DNAH3: variants seen among roughly 807,000 people sequenced by gnomAD.
DNAH3 encodes the protein axonemal beta dynein heavy chain 3.
DNAH3 carries 332 observed loss-of-function variants against 432.5 expected under a neutral mutation model. The ratio of observed to expected loss-of-function variants is 0.77; its 90% CI spans 0.70 to 0.84. DNAH3 has a LOEUF of 0.84. Ranked by LOEUF, DNAH3 falls within the 40% of genes least tolerant of loss-of-function variation. The pLI is 0.00. For missense variants in DNAH3, 4,861 were observed against 5,114.0 expected, an observed-to-expected ratio of 0.95 and a Z score of 1.51; for synonymous variants, 1,956 against 1,900.2, an observed-to-expected ratio of 1.03 and a Z score of -0.76.
exon 31 of DNAH3, chr16:21,049,642 G>A: frequency 6.2e-7 from 1 of 1,614,160 alleles, no homozygotes; most frequent in Non-Finnish European, 8.5e-7. Flanking sequence ...CTTCCCCATA[G>A]CTTTGTAATC....
intron 60 of DNAH3, among the ~76,000 whole-genome samples, chr16:20,935,787 G>A (rs1045630317): frequency 2.0e-5 from 3 of 150,182 alleles, no homozygotes; most frequent in Non-Finnish European, 4.4e-5. Flanking sequence ...AGGTTGCAGT[G>A]AGCCAAGATC....
chr16:21,058,287 C>T (rs1391935102), intron 26 of DNAH3, 91 bp from the exon 27 acceptor site: 5 of 673,528 alleles, frequency 7.4e-6, no homozygotes, highest in Non-Finnish European at 1.3e-5. Context: ...CTCACCACCG[C>T]AACAAAAACA....
At chr16:21,140,848 T>C in intron 4 of DNAH3, 138 bp from the exon 6 acceptor site, 2 of 694,380 alleles carry the variant, frequency 2.9e-6, no homozygotes, top group South Asian at 4.1e-5. Flanking sequence ...ATGGCATGTG[T>C]GTATACTTCC....
chr16:20,987,234 A>G (rs1223748493), intron 47 of DNAH3, 71 bp downstream of exon 47: 1 of 1,579,616 alleles, frequency 6.3e-7, no homozygotes, highest in Non-Finnish European at 8.6e-7. Context: ...AGGGAACCTG[A>G]AATCTGAAAG....
chr16:21,115,045 T>C (rs1394374660), intron 12 of DNAH3, among the ~76,000 whole-genome samples: 1 of 152,162 alleles, frequency 6.6e-6, no homozygotes, highest in Non-Finnish European at 1.5e-5. Flanking sequence ...ATATACACCA[T>C]GGAATACTAT....
At chr16:21,012,040 C>G (rs2087628046) in intron 41 of DNAH3, among the ~76,000 whole-genome samples, 1 of 152,178 alleles carries the variant, frequency 6.6e-6, no homozygotes, top group Non-Finnish European at 1.5e-5. Flanking sequence ...GATCCGAACT[C>G]TGACAATTTC....
intron 18 of DNAH3, among the ~76,000 whole-genome samples, chr16:21,088,334 A>G (rs137859483): frequency 3.9e-5 from 6 of 152,318 alleles, no homozygotes; most frequent in African/African-American, 1.4e-4. Context: ...CTTTCCCAGT[A>G]GGATGAATAA....
At chr16:21,049,576 C>T in exon 31 of DNAH3, 1 of 1,614,032 alleles carries the variant, frequency 6.2e-7, no homozygotes, top group African/African-American at 1.3e-5. Context: ...TACCTCGATC[C>T]TGTTGAACTC....
intron 54 of DNAH3, among the ~76,000 whole-genome samples, chr16:20,958,759 T>A (rs1445551380): frequency 1.3e-5 from 2 of 152,088 alleles, no homozygotes; most frequent in Non-Finnish European, 2.9e-5. Flanking sequence ...TGCCTTCTGC[T>A]ATACTGAAGA....
At chr16:21,062,331 G>A in intron 25 of DNAH3, 151 bp downstream of exon 25, 1 of 635,638 alleles carries the variant, frequency 1.6e-6, no homozygotes. Flanking sequence ...GAAAGATTGA[G>A]TAACTTCCCC....
chr16:21,117,967 ACTT>A (rs1298660716), intron 11 of DNAH3, among the ~76,000 whole-genome samples: 1 of 151,478 alleles, frequency 6.6e-6, no homozygotes, highest in African/African-American at 2.4e-5. Context: ...TAGGTAAACT[ACTT>A]CTCTCGTGGG....
At chr16:21,079,110 A>G (rs2091083594) in intron 20 of DNAH3, among the ~76,000 whole-genome samples, 1 of 152,168 alleles carries the variant, frequency 6.6e-6, no homozygotes, top group African/African-American at 2.4e-5. Context: ...CTGTCTCTGG[A>G]GAGGGGTTTA....
intron 41 of DNAH3, among the ~76,000 whole-genome samples, chr16:21,011,807 TA>T (rs1258808221): frequency 6.6e-6 from 1 of 152,052 alleles, no homozygotes; most frequent in Non-Finnish European, 1.5e-5. Flanking sequence ...CAAGATGAGA[TA>T]AAAAGTGAGA....
At chr16:21,137,875 G>C (rs1448827708) in intron 5 of DNAH3, among the ~76,000 whole-genome samples, 1 of 152,218 alleles carries the variant, frequency 6.6e-6, no homozygotes, top group Non-Finnish European at 1.5e-5. Flanking sequence ...GAGTGGCTCT[G>C]GGAATGACTA....
At chr16:20,937,435 T>A (rs2083633810) in intron 59 of DNAH3, among the ~76,000 whole-genome samples, 1 of 152,206 alleles carries the variant, frequency 6.6e-6, no homozygotes, top group South Asian at 2.1e-4. Context: ...TCCATCTCAA[T>A]CTTTTTGCAA....
chr16:21,146,962 G>C (rs2092792435), intron 1 of DNAH3, among the ~76,000 whole-genome samples: 1 of 151,578 alleles, frequency 6.6e-6, no homozygotes, highest in African/African-American at 2.4e-5. Context: ...GTTTCATCAT[G>C]TTGGCCAGGC....
rs548530598 is a variant in DNAH3, at chr16:21,037,752, G to A, written c.4950+9C>T. 32 of 1,613,450 alleles carry A rather than the reference G, an allele frequency of 2.0e-5. No homozygotes were observed. Among genetic ancestry groups the A allele is most frequent in the Middle Eastern group, 1.7e-4 (1 of 6,060 alleles). On this transcript the variant is annotated intron_variant, in intron 34 of 61. Transcript: ENST00000261383. ...TGGTCCTCGGCCAAGGTCCTGAACC[G>A]CTACATACCTGAAACAGAGGGACAT...
At chr16:21,122,348 A>G (rs2092361289) in intron 9 of DNAH3, among the ~76,000 whole-genome samples, 1 of 152,114 alleles carries the variant, frequency 6.6e-6, no homozygotes, top group African/African-American at 2.4e-5. Flanking sequence ...TGAGGTCAGG[A>G]GTTCAAGATC....
At chr16:20,996,801 T>G (rs1224235951) in intron 44 of DNAH3, 1 of 155,766 alleles carries the variant, frequency 6.4e-6, no homozygotes, top group Non-Finnish European at 1.4e-5. Flanking sequence ...AGAATAGAAG[T>G]ACAGATCTAT....
Sources: gnomAD v4.1 joint callset for allele counts (sites outside exome capture counted in the v4.1 genomes callset) on GRCh38, gnomAD v4.1.1 for gene constraint, MANE v1.5 for transcripts, NCBI Gene and HGNC (gene_info 2026-07-23, HGNC 2026-07-21) for gene names.